NREP: variants seen among roughly 807,000 people sequenced by gnomAD.
The protein encoded by NREP is neuronal regeneration related protein.
In NREP, 5 loss-of-function variants were observed where a neutral mutation model predicts 8.6. That is an observed-to-expected ratio of 0.58 (90% CI 0.30 to 1.22). NREP has a LOEUF of 1.22. Ranked by LOEUF, NREP falls within the 50% of genes most tolerant of loss-of-function variation. The pLI, the probability that NREP is intolerant of heterozygous loss-of-function variation, is 0.07. For synonymous variants in NREP, 27 were observed against 28.0 expected (o/e 0.96, Z 0.11); for missense variants, 86 against 82.5 (o/e 1.04, Z -0.17).
upstream of NREP, among the ~76,000 whole-genome samples, chr5:111,761,810 G>A (rs1750965769): frequency 6.6e-6 from 1 of 152,158 alleles, no homozygotes; most frequent in African/African-American, 2.4e-5. Context: ...CTGATAATGG[G>A]CTAATAAGCA....
intron 2 of NREP, among the ~76,000 whole-genome samples, chr5:111,883,009 C>A (rs1342279387): frequency 6.6e-6 from 1 of 152,288 alleles, no homozygotes; most frequent in South Asian, 2.1e-4. Flanking sequence ...ACTAAATGCT[C>A]CAATTAAAAG....
In NREP at chr5:111,766,283, T is replaced by A. The variant is rs117657895; in HGVS notation, c.136-30776A>T. 1.7e-3 allele frequency among the ~76,000 whole-genome samples: 259 copies of A among 152,302 alleles called. 2 individuals are homozygous for A. In the East Asian group the frequency reaches 0.037, roughly 22 times the overall value. On this transcript the variant is annotated intron_variant, in intron 2 of 3. Coordinates refer to the NREP transcript ENST00000395634. ...ATTTGACTCTGTGACTGGGAAAACC[T>A]AAGAGGATTCTGAGACTGTTCATAT...
chr5:111,907,621 T>C (rs1754809731), intron 2 of NREP, among the ~76,000 whole-genome samples: 1 of 152,120 alleles, frequency 6.6e-6, no homozygotes, highest in South Asian at 2.1e-4. Flanking sequence ...TTAAATGCCC[T>C]TAATAATAGC....
chr5:111,947,408 T>C (rs558906663), intron 2 of NREP, among the ~76,000 whole-genome samples: 1 of 152,020 alleles, frequency 6.6e-6, no homozygotes, highest in African/African-American at 2.4e-5. Context: ...AATTGTATTA[T>C]ATAAAGAGGG....
At chr5:111,780,410 G>A (rs1388024643) in intron 2 of NREP, among the ~76,000 whole-genome samples, 1 of 152,142 alleles carries the variant, frequency 6.6e-6, no homozygotes, top group East Asian at 1.9e-4. Flanking sequence ...GAAACAGGGA[G>A]AGAGGAAAGC....
intron 2 of NREP, chr5:111,969,499 TC>T (rs1366151668): frequency 6.6e-6 from 1 of 152,126 alleles, no homozygotes; most frequent in Non-Finnish European, 1.5e-5. Flanking sequence ...AGATAAACGT[TC>T]CCCCATCTTC....
At chr5:111,914,225 T>A (rs934619493) in intron 2 of NREP, among the ~76,000 whole-genome samples, 2 of 152,122 alleles carry the variant, frequency 1.3e-5, no homozygotes, top group African/African-American at 4.8e-5. Context: ...CAATTAGGAA[T>A]AAACAGTAAC....
At chr5:111,820,023 A>T (rs1752480304) in intron 2 of NREP, among the ~76,000 whole-genome samples, 1 of 152,072 alleles carries the variant, frequency 6.6e-6, no homozygotes, top group South Asian at 2.1e-4. Flanking sequence ...CAGATTTTTG[A>T]GCTCTCCTCT....
intron 2 of NREP, among the ~76,000 whole-genome samples, chr5:111,969,762 T>TA (rs1756750570): frequency 6.6e-6 from 1 of 152,128 alleles, no homozygotes; most frequent in South Asian, 2.1e-4. Context: ...ACTTAAGTCC[T>TA]AGAGAGGAGA....
intron 2 of NREP, among the ~76,000 whole-genome samples, chr5:111,931,695 T>C (rs1755541372): frequency 6.6e-6 from 1 of 152,138 alleles, no homozygotes; most frequent in Admixed American, 6.6e-5. Context: ...ATTTCTAAGA[T>C]TGGATTCTCT....
chr5:111,835,067 T>A, intron 2 of NREP, among the ~76,000 whole-genome samples: 1 of 152,154 alleles, frequency 6.6e-6, no homozygotes, highest in East Asian at 1.9e-4. Context: ...TTTTATTTGC[T>A]GCTCTCACCA....
chr5:111,901,424 A>G (rs1754643708), intron 2 of NREP, among the ~76,000 whole-genome samples: 1 of 152,182 alleles, frequency 6.6e-6, no homozygotes, highest in Non-Finnish European at 1.5e-5. Flanking sequence ...GAACATGACT[A>G]GGATGCCCAC....
In NREP at chr5:111,831,817, C is replaced by G. The variant is rs572583190; in HGVS notation, c.136-96310G>C. Among the ~76,000 whole-genome samples the G allele has an allele frequency of 2.0e-5, 3 of 152,168 alleles. No homozygotes were observed. The East Asian group carries it at 5.8e-4, about 29-fold the overall frequency. On this transcript the variant is annotated intron_variant, in intron 2 of 3. Transcript: ENST00000395634. ...CAGCCTCAGGGAAGTCTGGTTGGCA[C>G]GCCCTCAAGATAGCTGCCAGACAAA...
At chr5:111,944,434 G>A (rs901202548) in intron 2 of NREP, among the ~76,000 whole-genome samples, 1 of 151,922 alleles carries the variant, frequency 6.6e-6, no homozygotes, top group African/African-American at 2.4e-5. Context: ...AAGACTCCCA[G>A]GCAGCTGGGA....
At chr5:111,821,444 T>C (rs1752512593) in intron 2 of NREP, among the ~76,000 whole-genome samples, 1 of 152,172 alleles carries the variant, frequency 6.6e-6, no homozygotes, top group Non-Finnish European at 1.5e-5. Context: ...ACTTTTCAAA[T>C]GTGGTATAAA....
chr5:111,729,835 T>TATCA lies in NREP; in HGVS notation c.*1082_*1085dup, dbSNP rs947811522. 2 of 152,776 alleles carry TATCA rather than the reference T, an allele frequency of 1.3e-5. No homozygotes were observed. Among genetic ancestry groups the TATCA allele is most frequent in the Admixed American group, 1.3e-4 (2 of 15,304 alleles). The allele number at this position is 152,776 out of a possible 1,614,324, so 9.5% of individuals were successfully genotyped here. A position where few individuals can be genotyped will look rare whatever the true frequency, so the allele number is the denominator to read the frequency against. On this transcript the variant is annotated 3_prime_UTR_variant, in exon 4 of 4. Coordinates refer to ENST00000257435, the MANE Select transcript of NREP (RefSeq NM_004772.4). The stretch of plus-strand genomic sequence containing the variant: ...AAGAATGCTCTGCCTTTTAAAAAAG[T>TATCA]ATCATGATTTTGTAGACCTTGTTTT...
At chr5:111,731,481 C>G (rs997688239) in intron 3 of NREP, among the ~76,000 whole-genome samples, 1 of 149,220 alleles carries the variant, frequency 6.7e-6, no homozygotes, top group African/African-American at 2.5e-5. Flanking sequence ...GGTTAACAAT[C>G]TATTTTCTAA....
chr5:111,854,784 C>A (rs1287805548), intron 2 of NREP, among the ~76,000 whole-genome samples: 2 of 152,152 alleles, frequency 1.3e-5, no homozygotes, highest in Non-Finnish European at 2.9e-5. Flanking sequence ...AGCTCTGTTA[C>A]CTTCCCTTCT....
intron 2 of NREP, among the ~76,000 whole-genome samples, chr5:111,850,943 C>T (rs891232395): frequency 9.9e-5 from 15 of 152,124 alleles, no homozygotes; most frequent in African/African-American, 3.4e-4. Context: ...TTTTTTACCA[C>T]TTGAAGCTTA....
Sources: allele counts gnomAD v4.1 joint callset (sites outside exome capture counted in the v4.1 genomes callset), GRCh38; gene constraint gnomAD v4.1.1; transcripts MANE v1.5; gene names NCBI Gene and HGNC (gene_info 2026-07-23, HGNC 2026-07-21).